The following ADGRV1 variants were observed in gnomAD, a reference collection of about 807,000 sequenced individuals.
The protein encoded by ADGRV1 is G-protein coupled receptor 98.
Under a neutral mutation model 596.2 loss-of-function variants are expected in ADGRV1, and 359 were observed. The ratio of observed to expected loss-of-function variants is 0.60; its 90% confidence interval spans 0.55 to 0.66. The LOEUF (loss-of-function observed/expected upper bound fraction) is 0.66, where lower values mean the gene tolerates loss of function less well. Ranked by LOEUF, ADGRV1 falls within the 30% of genes least tolerant of loss-of-function variation. The pLI, the probability that ADGRV1 is intolerant of heterozygous loss-of-function variation, is 0.00. For missense variants in ADGRV1, 7,274 were observed against 7,575.6 expected, an observed-to-expected ratio of 0.96 and a Z score of 1.48; for synonymous variants, 2,681 against 2,679.2, an observed-to-expected ratio of 1.00 and a Z score of -0.02.
intron 83 of ADGRV1, among the ~76,000 whole-genome samples, chr5:90,961,487 CAAA>C (rs34654014): frequency 0.021 from 995 of 46,328 alleles, 32 homozygotes; most frequent in African/African-American, 0.075. Context: ...GACTCCGTCT[CAAA>C]AAAAAAAAAA....
At chr5:90,866,321 G>GTGTA (rs1214018626) in intron 83 of ADGRV1, among the ~76,000 whole-genome samples, 1 of 150,772 alleles carries the variant, frequency 6.6e-6, no homozygotes, top group African/African-American at 2.5e-5. Context: ...GTATATGTGT[G>GTGTA]TGTGTGTGTG....
intron 67 of ADGRV1, among the ~76,000 whole-genome samples, chr5:90,786,578 A>G (rs1759477878): frequency 6.6e-6 from 1 of 152,062 alleles, no homozygotes. Context: ...GAGGCTGTTT[A>G]TTTCCCTCTA....
chr5:90,870,303 C>G (rs1365220248), intron 83 of ADGRV1, among the ~76,000 whole-genome samples: 2 of 152,056 alleles, frequency 1.3e-5, no homozygotes, highest in Non-Finnish European at 2.9e-5. Flanking sequence ...GAGATGGGTA[C>G]TGTTATCATC....
chr5:90,755,256 T>G, intron 55 of ADGRV1, 71 bp downstream of exon 55: 1 of 998,400 alleles, frequency 1.0e-6, no homozygotes, highest in Non-Finnish European at 1.4e-6. Flanking sequence ...GTGATGCTCT[T>G]GTAAGTAAAA....
At chr5:90,927,205 C>T (rs370224181) in intron 83 of ADGRV1, among the ~76,000 whole-genome samples, 16 of 150,708 alleles carry the variant, frequency 1.1e-4, no homozygotes, top group East Asian at 5.8e-4. Flanking sequence ...CTTTCTGTCT[C>T]GTTGATCTGT....
At chr5:90,570,951 A>ACTTTTTTC (rs927104738) in intron 1 of ADGRV1, among the ~76,000 whole-genome samples, 9 of 151,968 alleles carry the variant, frequency 5.9e-5, no homozygotes, top group African/African-American at 2.2e-4. Context: ...TTTATCGATT[A>ACTTTTTTC]CTTTTTTCCT....
chr5:90,578,713 T>C (rs952699799), intron 1 of ADGRV1, among the ~76,000 whole-genome samples: 5 of 152,224 alleles, frequency 3.3e-5, no homozygotes, highest in African/African-American at 1.2e-4. Context: ...GTACTTCTGG[T>C]AGAATTCGGC....
chr5:90,634,963 G>C (rs1045281352), intron 9 of ADGRV1, 151 bp from the exon 10 acceptor site: 18 of 568,396 alleles, frequency 3.2e-5, no homozygotes, highest in Non-Finnish European at 5.0e-5. Context: ...AGATTGAAAA[G>C]GGATGGTGAA....
In ADGRV1 at chr5:90,675,420, C is replaced by G; in HGVS notation, c.5288C>G (p.Thr1763Arg). 6.2e-7 allele frequency: 1 copy of G among 1,613,638 alleles called. No individual in the cohort carries two copies. The highest frequency in any genetic ancestry group is 2.2e-5 in the East Asian group (1 of 44,884). Residue 1763 changes from threonine to arginine, a missense_variant, in exon 24 of 90, where the codon ACA (threonine) becomes AGA (arginine). Thr to Arg is a moderately conservative substitution (Grantham distance 71). This residue lies in a region of ADGRV1 where 3,643 missense variants were observed against 3,809.2 expected (regional missense o/e 0.96). Transcript: ENST00000405460. ...GCGGAATTTAGAACAGTGTCCTTGA[C>G]AGCATTCAGTCCTGAGGATTACCAG... is the stretch of plus-strand genomic sequence containing the variant. ...VTAEFRTVSL[T>R]AFSPEDYQNV...
At chr5:90,683,092 C>T (rs527318816) in intron 27 of ADGRV1, among the ~76,000 whole-genome samples, 36 of 152,200 alleles carry the variant, frequency 2.4e-4, no homozygotes, top group African/African-American at 8.7e-4. Context: ...TTGTTAATCA[C>T]ATTTAATTTA....
At chr5:90,806,109 A>G (rs1761878348) in intron 72 of ADGRV1, among the ~76,000 whole-genome samples, 2 of 152,204 alleles carry the variant, frequency 1.3e-5, no homozygotes. Flanking sequence ...TCAGTCTCTC[A>G]GAAAGGAGGG....
intron 84 of ADGRV1, among the ~76,000 whole-genome samples, chr5:90,980,639 C>T (rs1207080414): frequency 6.6e-6 from 1 of 152,130 alleles, no homozygotes; most frequent in Non-Finnish European, 1.5e-5. Flanking sequence ...TAGCAGAAAA[C>T]GTGTAAGATA....
At chr5:90,926,214 T>C (rs1646387391) in intron 83 of ADGRV1, among the ~76,000 whole-genome samples, 1 of 152,110 alleles carries the variant, frequency 6.6e-6, no homozygotes, top group Admixed American at 6.5e-5. Flanking sequence ...ATGGTACCAC[T>C]TCCTCCTTGT....
At chr5:90,673,919 G>T in intron 22 of ADGRV1, 135 bp from the exon 23 acceptor site, 1 of 632,268 alleles carries the variant, frequency 1.6e-6, no homozygotes. Flanking sequence ...ATGTTTTAAT[G>T]TTTTAATTTA....
intron 78 of ADGRV1, chr5:90,846,550 G>A: frequency 6.3e-6 from 1 of 158,794 alleles, no homozygotes; most frequent in Non-Finnish European, 1.4e-5. Context: ...CGGCGTGTCT[G>A]GAGTTTGTTC....
At position 90,778,885 on chromosome 5, in the gene ADGRV1, T is replaced by A. The variant is rs763664441; in HGVS notation, c.12870T>A (p.Arg4290=). The A allele has an allele frequency of 6.2e-7, 1 of 1,612,870 alleles. No homozygotes were observed. The highest frequency in any genetic ancestry group is 1.7e-5 in the Admixed American group (1 of 59,970). ...EAQRVNITII[R]SSGDFGHVRL... is the part of the protein sequence containing the mutation. ...CATAGGTTAACATCACAATCATCCG[T>A]TCCAGTGGAGATTTTGGCCATGTGC... Residue 4290 remains arginine, a synonymous_variant, in exon 64 of 90, where the codon CGT becomes CGA. Transcript: ENST00000405460.
At chr5:90,759,354 A>C in intron 57 of ADGRV1, 55 bp from the exon 58 acceptor site, 2 of 1,258,288 alleles carry the variant, frequency 1.6e-6, no homozygotes, top group Non-Finnish European at 2.2e-6. Flanking sequence ...CTCATTTCCT[A>C]TCTTCCTCCT....
Position 90,628,950 on chromosome 5 carries a change from T to C in ADGRV1, c.1509+118T>C, listed in dbSNP as rs1056528270. 5.3e-6 allele frequency: 5 copies of C among 938,126 alleles called. No individual in the cohort carries two copies. In the African/African-American group the frequency reaches 6.7e-5, roughly 13 times the overall value. 58.1% of individuals were successfully genotyped at this position (938,126 alleles called of 1,614,324 possible). A position where few individuals can be genotyped will look rare whatever the true frequency, so the allele number is the denominator to read the frequency against. On this transcript the variant is annotated intron_variant, in intron 8 of 89. Transcript: ENST00000405460. The stretch of plus-strand genomic sequence containing the variant: ...TTGAAGGGACAGGAAAAACACTGGC[T>C]TTGCAAATGATAGTTTTCTTACTCA...
intron 76 of ADGRV1, among the ~76,000 whole-genome samples, chr5:90,828,658 A>G (rs1764262861): frequency 6.6e-6 from 1 of 152,042 alleles, no homozygotes; most frequent in Non-Finnish European, 1.5e-5. Flanking sequence ...AATACATTTA[A>G]TTTATTTTTT....
Sources: gnomAD v4.1 joint callset for allele counts (sites outside exome capture counted in the v4.1 genomes callset) on GRCh38, gnomAD v4.1.1 for gene constraint, gnomAD v4.1.1 regional missense constraint, MANE v1.5 for transcripts, NCBI Gene and HGNC (gene_info 2026-07-23, HGNC 2026-07-21) for gene names.